MGAT4D: variants seen among roughly 807,000 people sequenced by gnomAD.
MGAT4D encodes the protein alpha-1,3-mannosyl-glycoprotein 4-beta-N-acetylglucosaminyltransferase-like protein MGAT4D.
A neutral mutation model predicts 15.9 loss-of-function variants in MGAT4D; 34 were observed. That is an observed-to-expected ratio of 2.14 (90% confidence interval 1.62 to 2.84). MGAT4D has a LOEUF of 2.84. Ranked by LOEUF, MGAT4D falls within the 30% of genes most tolerant of loss-of-function variation. The pLI is 0.00. For synonymous variants in MGAT4D, 112 were observed against 48.2 expected (o/e 2.33, Z -5.49); for missense variants, 327 against 140.2 (o/e 2.33, Z -6.73).
At chr4:140,452,861 A>C (rs1053927484) in intron 9 of MGAT4D, among the ~76,000 whole-genome samples, 1 of 152,082 alleles carries the variant, frequency 6.6e-6, no homozygotes, top group African/African-American at 2.4e-5. Flanking sequence ...TTTTCTTCCA[A>C]GAGTTTTAGT....
chr4:140,462,308 T>C (rs1731241962), intron 6 of MGAT4D, among the ~76,000 whole-genome samples: 1 of 152,200 alleles, frequency 6.6e-6, no homozygotes, highest in African/African-American at 2.4e-5. Flanking sequence ...TTTCTGATTT[T>C]AGGTCTTGTT....
At position 140,456,700 on chromosome 4, in the gene MGAT4D, C is replaced by A; in HGVS notation, c.897G>T (p.Glu299Asp). ...AAAACCGTACAAAGTGAGTTAAGTCCTCAGATCTAAACAGCTTTCCTATGG... is the reference window on the plus strand; with the variant it reads ...AAAACCGTACAAAGTGAGTTAAGTCATCAGATCTAAACAGCTTTCCTATGG... ...LGFIGKLFRS[E>D]DLTHFVRFFL... is the part of the protein sequence containing the mutation. The change falls in exon 9 of 11, where the codon GAG (glutamate) becomes GAT (aspartate). Residue 299 changes from glutamate (E) to aspartate (D), a missense_variant. Coordinates refer to ENST00000511113, the MANE Select transcript of MGAT4D (RefSeq NM_001277353.2). 1.5e-6 allele frequency: 1 copy of A among 687,924 alleles called. No homozygotes were observed. Among genetic ancestry groups the A allele is most frequent in the South Asian group, 1.5e-5 (1 of 64,524 alleles). The allele number at this position is 687,924 out of a possible 1,614,324, so 42.6% of individuals were successfully genotyped here.
At chr4:140,462,370 G>A (rs1731246719) in intron 6 of MGAT4D, 2 of 161,570 alleles carry the variant, frequency 1.2e-5, no homozygotes, top group South Asian at 1.9e-4. Flanking sequence ...TCTACTAACA[G>A]CTTTCTTTAT....
chr4:140,474,133 T>A (rs1201029749), intron 4 of MGAT4D, among the ~76,000 whole-genome samples: 1 of 152,218 alleles, frequency 6.6e-6, no homozygotes, highest in Non-Finnish European at 1.5e-5. Flanking sequence ...AAAAGTCTTA[T>A]GGTGCTAATA....
intron 10 of MGAT4D, among the ~76,000 whole-genome samples, chr4:140,449,767 A>AAAGTTTT (rs1434940463): frequency 6.6e-6 from 1 of 152,228 alleles, no homozygotes; most frequent in Non-Finnish European, 1.5e-5. Flanking sequence ...CTCAAAAAAA[A>AAAGTTTT]AAAGTTTTAT....
intron 2 of MGAT4D, among the ~76,000 whole-genome samples, chr4:140,479,846 C>G (rs1157882530): frequency 6.6e-6 from 1 of 151,720 alleles, no homozygotes; most frequent in African/African-American, 2.4e-5. Context: ...TAATTTAAGC[C>G]TAGAATTATA....
chr4:140,491,531 G>A (rs754340586), intron 1 of MGAT4D, among the ~76,000 whole-genome samples: 1 of 152,032 alleles, frequency 6.6e-6, no homozygotes, highest in Non-Finnish European at 1.5e-5. Flanking sequence ...ATATGAAGTA[G>A]CCTGCAGGCA....
intron 1 of MGAT4D, among the ~76,000 whole-genome samples, chr4:140,489,732 A>G (rs1733384118): frequency 6.6e-6 from 1 of 152,216 alleles, no homozygotes; most frequent in Non-Finnish European, 1.5e-5. Context: ...AATGTACTGA[A>G]TATACCACAA....
chr4:140,450,730 C>A (rs1000722319), intron 10 of MGAT4D, among the ~76,000 whole-genome samples: 1 of 152,014 alleles, frequency 6.6e-6, no homozygotes, highest in African/African-American at 2.4e-5. Flanking sequence ...GTAGAGGTGT[C>A]GAGGGTGGAA....
chr4:140,493,524 T>C (rs892004504), intron 1 of MGAT4D, among the ~76,000 whole-genome samples: 1 of 152,070 alleles, frequency 6.6e-6, no homozygotes, highest in East Asian at 1.9e-4. Context: ...CTCGATCTCC[T>C]GACCTCGTGA....
At chr4:140,469,284 T>A (rs1731754647) in intron 5 of MGAT4D, among the ~76,000 whole-genome samples, 2 of 152,206 alleles carry the variant, frequency 1.3e-5, no homozygotes. Flanking sequence ...AGCTGCCCCT[T>A]TTTTGCTTAA....
intron 9 of MGAT4D, among the ~76,000 whole-genome samples, chr4:140,453,032 C>A (rs571206702): frequency 6.6e-6 from 1 of 152,258 alleles, no homozygotes; most frequent in East Asian, 1.9e-4. Flanking sequence ...GAATTGCATA[C>A]ACTTTGTAAA....
At chr4:140,467,000 T>G (rs1445625141) in intron 5 of MGAT4D, among the ~76,000 whole-genome samples, 1 of 152,124 alleles carries the variant, frequency 6.6e-6, no homozygotes, top group African/African-American at 2.4e-5. Flanking sequence ...TTTCCTCATC[T>G]GTAAAACTGG....
rs575409272 is a variant in MGAT4D, at chr4:140,466,168, T to C, written c.573-1159A>G. Among the ~76,000 whole-genome samples, 39 of 151,466 alleles carry C rather than the reference T, an allele frequency of 2.6e-4. No individual in the cohort carries two copies. In the East Asian group the frequency reaches 5.0e-3, roughly 20 times the overall value. ...GGCTGACAGATGAAAGTGCAGAAGG[T>C]GAATGCTGGTAGTGAATTTGGATGT... On this transcript the variant is annotated intron_variant, in intron 5 of 10. Coordinates refer to ENST00000511113, the MANE Select transcript of MGAT4D (RefSeq NM_001277353.2).
rs376843906 is a variant in MGAT4D at position 140,487,041 on chromosome 4, G to A, written c.95-4556C>T. On this transcript the variant is annotated intron_variant, in intron 1 of 10. Coordinates refer to ENST00000511113, the MANE Select transcript of MGAT4D (RefSeq NM_001277353.2). ...AATTTGGTAAACATGAAAAGAAAGA[G>A]TTTTCTCCAGAGGAAGCAGTATTTA... is the stretch of plus-strand genomic sequence containing the variant. 7.2e-5 allele frequency among the ~76,000 whole-genome samples: 11 copies of A among 152,158 alleles called. No homozygotes were observed. In the East Asian group the frequency reaches 2.1e-3, roughly 29 times the overall value.
intron 3 of MGAT4D, among the ~76,000 whole-genome samples, chr4:140,479,187 A>C (rs1732531822): frequency 6.6e-6 from 1 of 152,254 alleles, no homozygotes; most frequent in Non-Finnish European, 1.5e-5. Flanking sequence ...GAATAGATTT[A>C]CCAAAAACAA....
chr4:140,480,656 A>G (rs1431458318), intron 2 of MGAT4D, among the ~76,000 whole-genome samples: 1 of 151,974 alleles, frequency 6.6e-6, no homozygotes, highest in Non-Finnish European at 1.5e-5. Flanking sequence ...AAACAAAATC[A>G]CCCAGTTAAA....
intron 6 of MGAT4D, among the ~76,000 whole-genome samples, chr4:140,463,875 T>TA (rs1269502932): frequency 1.3e-5 from 2 of 152,108 alleles, no homozygotes; most frequent in South Asian, 2.1e-4. Context: ...TATGAGAAAA[T>TA]ATTCTTCTGG....
chr4:140,448,672 C>T (rs562856783), intron 10 of MGAT4D, among the ~76,000 whole-genome samples: 34 of 152,262 alleles, frequency 2.2e-4, no homozygotes, highest in African/African-American at 7.9e-4. Flanking sequence ...ATCTTCATTT[C>T]TATCCATATC....
Sources: allele counts gnomAD v4.1 joint callset (sites outside exome capture counted in the v4.1 genomes callset), GRCh38; gene constraint gnomAD v4.1.1; transcripts MANE v1.5; gene names NCBI Gene and HGNC (gene_info 2026-07-23, HGNC 2026-07-21).